The following NDST3 variants were observed in gnomAD, a reference collection of about 807,000 sequenced individuals.
NDST3 encodes N-deacetylase and N-sulfotransferase 3.
A neutral mutation model predicts 96.1 loss-of-function variants in NDST3; 58 were observed. The ratio of observed to expected loss-of-function variants is 0.60; its 90% CI spans 0.49 to 0.75. The LOEUF is 0.75. Among genes scored for constraint, NDST3 ranks in the 30% least tolerant of loss-of-function variants. NDST3 has a pLI of 0.00. For missense variants in NDST3, 788 were observed against 1,034.2 expected (o/e 0.76, Z 3.27); for synonymous variants, 333 against 359.7 (o/e 0.93, Z 0.84).
At chr4:118,107,914 T>C (rs6824718) in intron 3 of NDST3, among the ~76,000 whole-genome samples, 152,296 of 152,310 alleles carry the variant, frequency 1, 76,141 homozygotes, top group Non-Finnish European at 1. Context: ...CTAATAAACA[T>C]ATACCTGAGA....
intron 6 of NDST3, among the ~76,000 whole-genome samples, chr4:118,178,272 G>A (rs1736394553): frequency 6.6e-6 from 1 of 152,024 alleles, no homozygotes; most frequent in Non-Finnish European, 1.5e-5. Context: ...TTGTGACACA[G>A]GTCTCCAAAA....
In NDST3 at chr4:118,237,103, G is replaced by C; in HGVS notation, c.2001G>C (p.Lys667Asn). The C allele has an allele frequency of 1.2e-6, 2 of 1,612,334 alleles. No individual in the cohort carries two copies. Among genetic ancestry groups the C allele is most frequent in the Non-Finnish European group, 1.7e-6 (2 of 1,179,162 alleles). The change falls in exon 10 of 14, where the codon AAG (lysine) becomes AAC (asparagine). Residue 667 changes from lysine to asparagine, a missense_variant. Coordinates refer to ENST00000296499, the MANE Select transcript of NDST3 (RefSeq NM_004784.3). Reference protein sequence around the residue: ...SNVTTDFLFEKSANYFHSEEA... With the variant: ...SNVTTDFLFENSANYFHSEEA... Reference sequence around the variant, plus strand: ...TCACTACCGACTTTTTGTTTGAGAAGAGTGCCAATTACTTCCACTCAGAGG... The same window carrying C: ...TCACTACCGACTTTTTGTTTGAGAACAGTGCCAATTACTTCCACTCAGAGG...
At chr4:118,206,133 C>T (rs1738429302) in intron 6 of NDST3, among the ~76,000 whole-genome samples, 1 of 144,020 alleles carries the variant, frequency 6.9e-6, no homozygotes, top group Admixed American at 6.9e-5. Context: ...TGCCACTACC[C>T]TCTACAACAC....
chr4:118,094,326 A>C (rs1426730144), intron 2 of NDST3, among the ~76,000 whole-genome samples: 1 of 151,838 alleles, frequency 6.6e-6, no homozygotes, highest in Non-Finnish European at 1.5e-5. Flanking sequence ...AACGCATTTC[A>C]TCCCATCAAA....
intron 3 of NDST3, among the ~76,000 whole-genome samples, chr4:118,105,657 A>G (rs578031090): frequency 2.6e-5 from 4 of 152,160 alleles, no homozygotes; most frequent in Non-Finnish European, 4.4e-5. Flanking sequence ...CTTGCTGTAC[A>G]GTATTCCATT....
At chr4:118,114,273 C>T (rs1242953477) in intron 3 of NDST3, among the ~76,000 whole-genome samples, 1 of 152,168 alleles carries the variant, frequency 6.6e-6, no homozygotes, top group Admixed American at 6.5e-5. Flanking sequence ...ATTTTCTCAA[C>T]AACGATTTCC....
chr4:118,080,676 T>A (rs1027917940), intron 2 of NDST3, among the ~76,000 whole-genome samples: 1 of 152,138 alleles, frequency 6.6e-6, no homozygotes, highest in Non-Finnish European at 1.5e-5. Flanking sequence ...TGTGCCATAT[T>A]TTTTTAATGT....
At chr4:118,100,743 C>T (rs1024273060) in intron 2 of NDST3, among the ~76,000 whole-genome samples, 2 of 152,104 alleles carry the variant, frequency 1.3e-5, no homozygotes, top group African/African-American at 4.8e-5. Flanking sequence ...GTTAAGTCAC[C>T]TCTTTAGCTC....
intron 6 of NDST3, chr4:118,193,676 A>T: frequency 7.5e-7 from 1 of 1,327,194 alleles, no homozygotes; most frequent in Non-Finnish European, 1.1e-6. Context: ...TGCCAGTTCA[A>T]AGTCATTCAC....
intron 12 of NDST3, among the ~76,000 whole-genome samples, chr4:118,247,028 A>C (rs946644656): frequency 3.3e-5 from 5 of 152,152 alleles, no homozygotes; most frequent in African/African-American, 1.2e-4. Context: ...ACTAAACAGA[A>C]TCTCACTCAA....
chr4:118,097,021 A>T (rs993431812), intron 2 of NDST3, among the ~76,000 whole-genome samples: 6 of 151,960 alleles, frequency 3.9e-5, no homozygotes, highest in Admixed American at 3.9e-4. Context: ...TGTTCTACTT[A>T]AGACTTCATG....
chr4:118,170,659 G>A (rs760259564), intron 6 of NDST3, among the ~76,000 whole-genome samples: 17 of 152,162 alleles, frequency 1.1e-4, no homozygotes, highest in Non-Finnish European at 2.2e-4. Flanking sequence ...AATCCGGGTG[G>A]TGGAGATTGC....
At chr4:118,145,826 C>T (rs1490751695) in intron 6 of NDST3, among the ~76,000 whole-genome samples, 1 of 152,166 alleles carries the variant, frequency 6.6e-6, no homozygotes, top group Non-Finnish European at 1.5e-5. Context: ...AAATAAATGA[C>T]AAATCTTGTC....
intron 1 of NDST3, among the ~76,000 whole-genome samples, chr4:118,051,145 T>G (rs1474473277): frequency 6.6e-6 from 1 of 152,134 alleles, no homozygotes; most frequent in Non-Finnish European, 1.5e-5. Context: ...CAGTAAATGG[T>G]GCTGGGATAA....
chr4:118,103,524 T>C (rs1729930576), intron 2 of NDST3, among the ~76,000 whole-genome samples: 2 of 152,198 alleles, frequency 1.3e-5, no homozygotes, highest in Admixed American at 6.5e-5. Flanking sequence ...CAGACACTTG[T>C]ATATGTATAC....
At chr4:118,102,113 A>C (rs1029079037) in intron 2 of NDST3, among the ~76,000 whole-genome samples, 1 of 152,074 alleles carries the variant, frequency 6.6e-6, no homozygotes, top group Non-Finnish European at 1.5e-5. Context: ...AAAACACATC[A>C]TAATACTTTA....
chr4:118,227,227 G>GGTT (rs1739946881), intron 8 of NDST3, among the ~76,000 whole-genome samples: 1 of 40,472 alleles, frequency 2.5e-5, no homozygotes, highest in African/African-American at 4.1e-5. Context: ...GGTAGCACAT[G>GGTT]TTTTTTTTTT....
Position 118,167,544 on chromosome 4 carries a change from G to A in NDST3, c.1539+23860G>A, listed in dbSNP as rs191396678. On this transcript the variant is annotated intron_variant, in intron 6 of 13. Coordinates refer to ENST00000296499, the MANE Select transcript of NDST3 (RefSeq NM_004784.3). ...CAAAATCCCAGTGGCATTTTTTACCGAAATAGAAAAAACAATCCTAAAATT... is the reference window on the plus strand; with the variant it reads ...CAAAATCCCAGTGGCATTTTTTACCAAAATAGAAAAAACAATCCTAAAATT... Among the ~76,000 whole-genome samples the A allele has an allele frequency of 4.5e-4, 68 of 151,886 alleles. 1 individual carries two copies. The highest frequency in any genetic ancestry group is 4.4e-3 in the East Asian group (23 of 5,180).
chr4:118,094,521 G>A (rs191614057), intron 2 of NDST3, among the ~76,000 whole-genome samples: 1 of 151,816 alleles, frequency 6.6e-6, no homozygotes, highest in East Asian at 1.9e-4. Flanking sequence ...TTGTAAATGT[G>A]CCCCTTGTTT....
Sources: gnomAD v4.1 joint callset for allele counts (sites outside exome capture counted in the v4.1 genomes callset) on GRCh38, gnomAD v4.1.1 for gene constraint, MANE v1.5 for transcripts, NCBI Gene and HGNC (gene_info 2026-07-23, HGNC 2026-07-21) for gene names.